Variants in GNPTAB observed in about 807,000 individuals in gnomAD.
GNPTAB encodes the protein N-acetylglucosamine-1-phosphotransferase subunits alpha/beta.
Under a neutral mutation model 136.6 loss-of-function variants are expected in GNPTAB, and 92 were observed. That is an observed-to-expected ratio of 0.67 (90% CI 0.57 to 0.80). The LOEUF (loss-of-function observed/expected upper bound fraction) is 0.80. Ranked by LOEUF, GNPTAB falls within the 30% of genes least tolerant of loss-of-function variation. The pLI, the probability that GNPTAB is intolerant of heterozygous loss-of-function variation, is 0.00. For synonymous variants in GNPTAB, 512 were observed against 535.1 expected, an observed-to-expected ratio of 0.96 and a Z score of 0.60; for missense variants, 1,343 against 1,501.8, an observed-to-expected ratio of 0.89 and a Z score of 1.75.
At chr12:101,802,920 C>T (rs1869727209) in intron 1 of GNPTAB, among the ~76,000 whole-genome samples, 1 of 152,162 alleles carries the variant, frequency 6.6e-6, no homozygotes, top group African/African-American at 2.4e-5. Flanking sequence ...CAGATGGAGA[C>T]TCCCGGACAT....
At chr12:101,770,304 G>A in intron 9 of GNPTAB, 102 bp downstream of exon 9, 1 of 1,376,902 alleles carries the variant, frequency 7.3e-7, no homozygotes, top group Admixed American at 1.7e-5. Context: ...GGAAGAAATG[G>A]AGGTAGAAGG....
intron 16 of GNPTAB, among the ~76,000 whole-genome samples, chr12:101,759,436 A>G (rs1952959144): frequency 6.6e-6 from 1 of 150,644 alleles, no homozygotes; most frequent in Non-Finnish European, 1.5e-5. Flanking sequence ...AAAAAAAAAG[A>G]ATTTTTCCAT....
chr12:101,768,322 C>T (rs982757299), intron 10 of GNPTAB, among the ~76,000 whole-genome samples, 162 bp from the exon 11 acceptor site: 3 of 152,298 alleles, frequency 2.0e-5, no homozygotes, highest in Non-Finnish European at 4.4e-5. Flanking sequence ...TTTGCCTGTA[C>T]CTACAGTCAT....
chr12:101,780,105 T>C, intron 7 of GNPTAB, 47 bp downstream of exon 7: 2 of 1,572,462 alleles, frequency 1.3e-6, no homozygotes, highest in Non-Finnish European at 1.8e-6. Context: ...AATCACACAT[T>C]AAATGAGAAT....
chr12:101,803,344 T>A (rs1407674304), intron 1 of GNPTAB, among the ~76,000 whole-genome samples: 1 of 152,220 alleles, frequency 6.6e-6, no homozygotes, highest in Non-Finnish European at 1.5e-5. Flanking sequence ...AACCTCCTCC[T>A]CCTATGATAT....
At chr12:101,772,429 G>A (rs993952511) in intron 7 of GNPTAB, among the ~76,000 whole-genome samples, 4 of 152,002 alleles carry the variant, frequency 2.6e-5, no homozygotes, top group Non-Finnish European at 5.9e-5. Context: ...AACACCAGAG[G>A]TGAGAGTTAG....
At chr12:101,816,892 G>C (rs1017604951) in intron 1 of GNPTAB, among the ~76,000 whole-genome samples, 2 of 152,222 alleles carry the variant, frequency 1.3e-5, no homozygotes, top group Non-Finnish European at 2.9e-5. Flanking sequence ...GTAATTTGCA[G>C]CGCATGGATG....
chr12:101,768,357 G>A (rs186094138), intron 10 of GNPTAB, among the ~76,000 whole-genome samples, 197 bp from the exon 11 acceptor site: 113 of 152,300 alleles, frequency 7.4e-4, no homozygotes, highest in African/African-American at 2.6e-3. Flanking sequence ...TGCGTTGACC[G>A]TTCTTACTGA....
At chr12:101,807,727 C>T (rs1293358527) in intron 1 of GNPTAB, among the ~76,000 whole-genome samples, 3 of 152,098 alleles carry the variant, frequency 2.0e-5, no homozygotes, top group East Asian at 1.9e-4. Flanking sequence ...GACAAGAGTT[C>T]GAGACCAGCC....
chr12:101,799,915 A>G (rs899754627), intron 1 of GNPTAB, among the ~76,000 whole-genome samples: 2 of 152,150 alleles, frequency 1.3e-5, no homozygotes, highest in African/African-American at 2.4e-5. Context: ...CTCATTACAC[A>G]TGGTACTCTA....
chr12:101,824,432 A>ATATATATATATATC (rs1188582277), intron 1 of GNPTAB, among the ~76,000 whole-genome samples: 1 of 50,886 alleles, frequency 2.0e-5, no homozygotes, highest in Non-Finnish European at 3.5e-5. Flanking sequence ...ATATATATAT[A>ATATATATATATATC]TTTTCTTTTT....
At chr12:101,767,886 G>T in intron 11 of GNPTAB, 151 bp downstream of exon 11, 2 of 905,782 alleles carry the variant, frequency 2.2e-6, no homozygotes, top group Non-Finnish European at 3.5e-6. Flanking sequence ...GCAAAGCACT[G>T]GATTATAAGC....
In GNPTAB at chr12:101,768,171, A is replaced by G. The variant is rs1750106381; in HGVS notation, c.1285-11T>C. Reference sequence around the variant, plus strand: ...CCATGTCAAATAAACCTACGATAAAACCAAAGAGAAAATAAAATGACTTCT... The same window carrying G: ...CCATGTCAAATAAACCTACGATAAAGCCAAAGAGAAAATAAAATGACTTCT... On this transcript the variant is annotated splice_polypyrimidine_tract_variant and intron_variant, in intron 10 of 20. Coordinates refer to ENST00000299314, the MANE Select transcript of GNPTAB (RefSeq NM_024312.5). 6.2e-7 allele frequency: 1 copy of G among 1,613,994 alleles called. No individual in the cohort carries two copies. Among genetic ancestry groups the G allele is most frequent in the Non-Finnish European group, 8.5e-7 (1 of 1,179,884 alleles).
In GNPTAB at chr12:101,746,826, T is replaced by C. The variant is rs979470900; in HGVS notation, c.*338A>G. 2 of 246,926 alleles carry C rather than the reference T, an allele frequency of 8.1e-6. No individual in the cohort carries two copies. Among genetic ancestry groups the C allele is most frequent in the African/African-American group, 2.3e-5 (1 of 44,216 alleles). 15.3% of individuals were successfully genotyped at this position (246,926 alleles called of 1,614,324 possible). On this transcript the variant is annotated 3_prime_UTR_variant, in exon 21 of 21. Transcript: ENST00000299314. ...TCTTAGCAATCACTCCCAGCTGGCA[T>C]AGGCTTCTCCTAATAAAGTTAGTCT...
At chr12:101,751,375 T>C (rs955594310) in intron 19 of GNPTAB, among the ~76,000 whole-genome samples, 18 of 152,330 alleles carry the variant, frequency 1.2e-4, no homozygotes, top group South Asian at 1.0e-3. Flanking sequence ...ACAATTTGCC[T>C]GGTATCTGTC....
chr12:101,805,633 C>T (rs569864029), intron 1 of GNPTAB, among the ~76,000 whole-genome samples: 4 of 152,292 alleles, frequency 2.6e-5, no homozygotes, highest in South Asian at 2.1e-4. Context: ...TGGGCTCATG[C>T]GATCTGCCTG....
intron 16 of GNPTAB, 66 bp downstream of exon 16, chr12:101,759,964 T>C (rs747055168): frequency 1.1e-6 from 1 of 939,290 alleles, no homozygotes; most frequent in Non-Finnish European, 1.8e-6. Flanking sequence ...TATACAGAAA[T>C]GCTGTAAGTA....
At chr12:101,792,621 T>A (rs11832844) in intron 2 of GNPTAB, among the ~76,000 whole-genome samples, 41,491 of 151,722 alleles carry the variant, frequency 0.27, 6,051 homozygotes, top group African/African-American at 0.37. Flanking sequence ...TTTAACCACC[T>A]CCTCCTTCCT....
intron 20 of GNPTAB, 41 bp from the exon 21 acceptor site, chr12:101,747,282 T>C (rs1261311364): frequency 1.7e-6 from 2 of 1,165,378 alleles, no homozygotes; most frequent in Non-Finnish European, 2.6e-6. Flanking sequence ...AATTCTCACG[T>C]TGATGAAAGA....
Sources: gnomAD v4.1 joint callset for allele counts (sites outside exome capture counted in the v4.1 genomes callset) on GRCh38, gnomAD v4.1.1 for gene constraint, MANE v1.5 for transcripts, NCBI Gene and HGNC (gene_info 2026-07-23, HGNC 2026-07-21) for gene names.